Variants in PLA2G6 observed in about 807,000 individuals in gnomAD.
PLA2G6 encodes 85/88 kDa calcium-independent phospholipase A2.
In PLA2G6, 62 loss-of-function variants were observed where a neutral mutation model predicts 83.8. The ratio of observed to expected loss-of-function variants is 0.74; its 90% CI spans 0.60 to 0.91. PLA2G6 has a LOEUF of 0.91. Among genes scored for constraint, PLA2G6 ranks in the 40% least tolerant of loss-of-function variants. The probability of loss-of-function intolerance (pLI) is 0.00; values close to 1 mark genes in which losing one functional copy is unlikely to be tolerated. For missense variants in PLA2G6, 944 were observed against 1,102.0 expected, an observed-to-expected ratio of 0.86 and a Z score of 2.03; for synonymous variants, 417 against 449.8, an observed-to-expected ratio of 0.93 and a Z score of 0.92.
At chr22:38,157,035 T>A (rs1315961025) in intron 2 of PLA2G6, among the ~76,000 whole-genome samples, 1 of 151,824 alleles carries the variant, frequency 6.6e-6, no homozygotes, top group Non-Finnish European at 1.5e-5. Flanking sequence ...TAGAAAAACT[T>A]CAAAATAATC....
chr22:38,127,508 G>T (rs1425348398), intron 9 of PLA2G6: 4 of 1,196,888 alleles, frequency 3.3e-6, no homozygotes, highest in Non-Finnish European at 4.5e-6. Context: ...GTTCCTGGGA[G>T]GGGAGAGAGA....
chr22:38,172,648 G>A (rs1171188355), intron 1 of PLA2G6, among the ~76,000 whole-genome samples: 1 of 152,250 alleles, frequency 6.6e-6, no homozygotes, highest in Middle Eastern at 3.2e-3. Flanking sequence ...CTCAGGCCTG[G>A]CCTGGAAGAG....
Position 38,169,455 on chromosome 22 carries a change from C to T in PLA2G6, c.-29G>A. 2 of 1,589,100 alleles carry T rather than the reference C, an allele frequency of 1.3e-6. No homozygotes were observed. The highest frequency in any genetic ancestry group is 1.7e-6 in the Non-Finnish European group (2 of 1,159,000). On this transcript the variant is annotated 5_prime_UTR_variant, in exon 2 of 17. It adds an upstream start codon to the 5' untranslated region. Coordinates refer to ENST00000332509, the MANE Select transcript of PLA2G6 (RefSeq NM_003560.4). ...CTGCGGGGCAGGTGGGGAGGCCCCA[C>T]CGTCTTCCCCCTCTGTCTGGAAGAA...
Position 38,129,480 on chromosome 22 carries a change from G to C in PLA2G6, c.1160C>G (p.Thr387Arg), listed in dbSNP as rs1203448456. The change falls in exon 8 of 17, where the codon ACA becomes AGA. Residue 387 changes from threonine (T) to arginine (R), a missense_variant. Physicochemically the swap from Thr to Arg is moderately conservative, Grantham distance 71. Coordinates refer to ENST00000332509, the MANE Select transcript of PLA2G6 (RefSeq NM_003560.4). ...TCTGCCGATTTTGGAGGCTAGGAATGTAGGAGTCTCCCCAAAGTCATTCGG... is the reference window on the plus strand; with the variant it reads ...TCTGCCGATTTTGGAGGCTAGGAATCTAGGAGTCTCCCCAAAGTCATTCGG... ...DTPNDFGETP[T>R]FLASKIGRLV... 6.2e-7 allele frequency: 1 copy of C among 1,613,272 alleles called. No homozygotes were observed. The highest frequency in any genetic ancestry group is 2.2e-5 in the East Asian group (1 of 44,884).
At chr22:38,115,922 C>A in intron 13 of PLA2G6, 153 bp downstream of exon 13, 1 of 1,455,660 alleles carries the variant, frequency 6.9e-7, no homozygotes, top group East Asian at 2.5e-5. Flanking sequence ...ACAGCTCCCC[C>A]GCAATCCCTG....
At chr22:38,120,134 GC>G (rs1276354918) in intron 12 of PLA2G6, among the ~76,000 whole-genome samples, 1 of 152,172 alleles carries the variant, frequency 6.6e-6, no homozygotes, top group African/African-American at 2.4e-5. Context: ...CATTCATCCA[GC>G]CCCGAACGGG....
At chr22:38,170,668 G>A (rs2090403773) in intron 1 of PLA2G6, among the ~76,000 whole-genome samples, 1 of 152,140 alleles carries the variant, frequency 6.6e-6, no homozygotes, top group African/African-American at 2.4e-5. Context: ...GCCGCCCTCT[G>A]CCTCTGTGCC....
chr22:38,112,543 G>A lies in PLA2G6; in HGVS notation c.2237C>T (p.Ala746Val). ...TDPDGRAVDR[A>V]RAWCEMVGIQ... ...GCCGACCATCTCGCACCAGGCCCGT[G>A]CCCGGTCCACAGCCCGCCCGTCTGG... Residue 746 changes from alanine (A) to valine (V), a missense_variant, in exon 16 of 17, where the codon GCA becomes GTA. Ala to Val is a moderately conservative substitution (Grantham distance 64). Transcript: ENST00000332509. The A allele has an allele frequency of 6.4e-7, 1 of 1,554,086 alleles. No homozygotes were observed. Among genetic ancestry groups the A allele is most frequent in the Non-Finnish European group, 8.7e-7 (1 of 1,149,996 alleles).
At chr22:38,154,085 A>C (rs1000030845) in intron 2 of PLA2G6, among the ~76,000 whole-genome samples, 1 of 152,210 alleles carries the variant, frequency 6.6e-6, no homozygotes, top group Non-Finnish European at 1.5e-5. Flanking sequence ...AATAGAATAG[A>C]GCACTGGGGA....
intron 2 of PLA2G6, among the ~76,000 whole-genome samples, chr22:38,159,161 A>G (rs866077192): frequency 2.0e-4 from 31 of 152,324 alleles, no homozygotes; most frequent in African/African-American, 7.2e-4. Flanking sequence ...GCAAATCACT[A>G]GCAAAACCAA....
At chr22:38,119,320 G>A (rs1001860083) in intron 12 of PLA2G6, among the ~76,000 whole-genome samples, 5 of 152,208 alleles carry the variant, frequency 3.3e-5, no homozygotes, top group African/African-American at 1.2e-4. Context: ...CACTGCTGAG[G>A]AAGCGGAGGG....
intron 4 of PLA2G6, chr22:38,142,785 A>T (rs2088998124): frequency 2.4e-6 from 1 of 412,944 alleles, no homozygotes; most frequent in Non-Finnish European, 4.6e-6. Context: ...CCAGGCAGGC[A>T]TCTGGCTCAC....
At chr22:38,148,753 G>A (rs2145845416) in intron 2 of PLA2G6, 1 of 455,586 alleles carries the variant, frequency 2.2e-6, no homozygotes, top group Non-Finnish European at 3.9e-6. Context: ...AGCCTCAAGT[G>A]ATTTCAGTTC....
chr22:38,111,730 G>C lies in PLA2G6; in HGVS notation c.*431C>G, dbSNP rs552570892. The C allele has an allele frequency of 3.1e-5, 9 of 286,686 alleles. No individual in the cohort carries two copies. In the East Asian group the frequency reaches 7.4e-4, roughly 24 times the overall value. The allele number at this position is 286,686 out of a possible 1,614,324, so 17.8% of individuals were successfully genotyped here. A position where few individuals can be genotyped will look rare whatever the true frequency, so the allele number is the denominator to read the frequency against. On this transcript the variant is annotated 3_prime_UTR_variant, in exon 17 of 17. Transcript: ENST00000332509. Reference sequence around the variant, plus strand: ...CTTTAGTCCCAGCCCCCAGGGAACGGAGCAGAGGGCAGAGGGAGTGGGCTG... The same window carrying C: ...CTTTAGTCCCAGCCCCCAGGGAACGCAGCAGAGGGCAGAGGGAGTGGGCTG...
At chr22:38,177,759 C>T (rs931093979) in intron 1 of PLA2G6, among the ~76,000 whole-genome samples, 5 of 152,244 alleles carry the variant, frequency 3.3e-5, no homozygotes, top group South Asian at 4.1e-4. Context: ...CCACTGCGCC[C>T]GGCCGAATTG....
At position 38,123,718 on chromosome 22, in the gene PLA2G6, G is replaced by T. The variant is rs911377317; in HGVS notation, c.1428-460C>A. ...CTCCACACAAGGTGGAAGAAGCAGG[G>T]GAGGAGGGGGCAGGGAGGAAGGGAG... On this transcript the variant is annotated intron_variant, in intron 10 of 16. Transcript: ENST00000332509. This position sits in a 1 kb window ranked among gnomAD's most constrained non-coding sequence, Gnocchi z 4.1. 1.3e-5 allele frequency among the ~76,000 whole-genome samples: 2 copies of T among 152,090 alleles called. No individual in the cohort carries two copies. The highest frequency in any genetic ancestry group is 2.9e-5 in the Non-Finnish European group (2 of 68,014).
chr22:38,159,072 G>A (rs1319371111), intron 2 of PLA2G6, among the ~76,000 whole-genome samples: 6 of 152,204 alleles, frequency 3.9e-5, no homozygotes, highest in Middle Eastern at 3.4e-3. Flanking sequence ...GGTGGTGGGC[G>A]CCTGTAATCC....
intron 14 of PLA2G6, 49 bp from the exon 15 acceptor site, chr22:38,113,703 G>A (rs759042965): frequency 1.6e-5 from 25 of 1,560,862 alleles, no homozygotes; most frequent in Non-Finnish European, 2.1e-5. Flanking sequence ...CCACAGGTAG[G>A]GGGCACGAAG....
At chr22:38,171,194 A>G (rs2090427210) in intron 1 of PLA2G6, among the ~76,000 whole-genome samples, 1 of 149,606 alleles carries the variant, frequency 6.7e-6, no homozygotes, top group Non-Finnish European at 1.5e-5. Flanking sequence ...AAAAAAGATC[A>G]TAACAACTGA....
Sources: gnomAD v4.1 joint callset for allele counts (sites outside exome capture counted in the v4.1 genomes callset) on GRCh38, gnomAD v4.1.1 for gene constraint, Gnocchi (gnomAD v3.1) non-coding constraint, MANE v1.5 for transcripts, NCBI Gene and HGNC (gene_info 2026-07-23, HGNC 2026-07-21) for gene names.